The following FIG4 variants were observed in gnomAD, a reference collection of about 807,000 sequenced individuals.
The protein encoded by FIG4 is FIG4 phosphoinositide 5-phosphatase.
FIG4 carries 112 observed loss-of-function variants against 118.6 expected under a neutral mutation model. The observed-to-expected ratio is 0.94, with a 90% CI of 0.81 to 1.11. FIG4 has a LOEUF of 1.11. Among genes scored for constraint, FIG4 ranks in the 50% least tolerant of loss-of-function variants. The pLI, the probability that FIG4 is intolerant of heterozygous loss-of-function variation, is 0.00. For missense variants in FIG4, 969 were observed against 1,111.7 expected, an observed-to-expected ratio of 0.87 and a Z score of 1.83; for synonymous variants, 369 against 381.2, an observed-to-expected ratio of 0.97 and a Z score of 0.37.
At chr6:109,711,373 T>C (rs547724777) in intron 1 of FIG4, among the ~76,000 whole-genome samples, 6 of 152,298 alleles carry the variant, frequency 3.9e-5, no homozygotes, top group Admixed American at 2.0e-4. Flanking sequence ...CACTCCAGGC[T>C]GGGCGACAGA....
intron 22 of FIG4, among the ~76,000 whole-genome samples, chr6:109,822,987 A>G (rs1334048908): frequency 6.6e-6 from 1 of 151,774 alleles, no homozygotes; most frequent in Non-Finnish European, 1.5e-5. Context: ...TCTGATGACA[A>G]ATGAGTCTAC....
chr6:109,794,972 T>G (rs1216111564), intron 21 of FIG4, among the ~76,000 whole-genome samples: 1 of 152,172 alleles, frequency 6.6e-6, no homozygotes, highest in Non-Finnish European at 1.5e-5. Flanking sequence ...AGTTTTTTTC[T>G]AATTGCTGAG....
chr6:109,732,689 T>C lies in FIG4; in HGVS notation c.497+2T>C. 6.5e-7 allele frequency: 1 copy of C among 1,534,222 alleles called. No individual in the cohort carries two copies. The highest frequency in any genetic ancestry group is 9.0e-7 in the Non-Finnish European group (1 of 1,114,718). Reference sequence around the variant, plus strand: ...CCTATCTAGCAATTTTTACTTTAGGTAAGTGTGAGGTTAGTTTTGCTCCTA... The same window carrying C: ...CCTATCTAGCAATTTTTACTTTAGGCAAGTGTGAGGTTAGTTTTGCTCCTA... On this transcript the variant is annotated splice_donor_variant, in intron 5 of 22. Coordinates refer to ENST00000230124, the MANE Select transcript of FIG4 (RefSeq NM_014845.6). LOFTEE classifies it high-confidence loss of function.
At chr6:109,819,835 C>T (rs778602286) in intron 22 of FIG4, among the ~76,000 whole-genome samples, 3 of 152,148 alleles carry the variant, frequency 2.0e-5, no homozygotes, top group Non-Finnish European at 4.4e-5. Flanking sequence ...AACTTAAACT[C>T]ATTTACTCCA....
rs534743660 is a variant in FIG4, at chr6:109,788,588, C to T, written c.2097-1006C>T. On this transcript the variant is annotated intron_variant, in intron 18 of 22. Coordinates refer to ENST00000230124, the MANE Select transcript of FIG4 (RefSeq NM_014845.6). ...GTCTGCAGTGACTGTGAAAGTACCA[C>T]GAGGATTGATTTGGGGGTTACAGAT... Among the ~76,000 whole-genome samples, 5 of 152,256 alleles carry T rather than the reference C, an allele frequency of 3.3e-5. No individual in the cohort carries two copies. The South Asian group carries it at 6.2e-4, about 19-fold the overall frequency.
chr6:109,727,456 G>A lies in FIG4; in HGVS notation c.446+191G>A, dbSNP rs554969764. On this transcript the variant is annotated intron_variant, in intron 4 of 22. Transcript: ENST00000230124. ...ACAGTTTAGATATTATGAATGTTAT[G>A]TAAAAAGATCAAATGTTGGCTCAGA... is the stretch of plus-strand genomic sequence containing the variant. 8.5e-5 allele frequency among the ~76,000 whole-genome samples: 13 copies of A among 152,192 alleles called. No individual in the cohort carries two copies. The South Asian group carries it at 2.5e-3, about 29-fold the overall frequency.
At chr6:109,760,473 T>C (rs1777069689) in intron 11 of FIG4, 90 bp downstream of exon 11, 12 of 1,187,246 alleles carry the variant, frequency 1.0e-5, no homozygotes, top group Admixed American at 3.4e-5. Flanking sequence ...AAAGTAAATG[T>C]TACCCTGTTA....
intron 16 of FIG4, among the ~76,000 whole-genome samples, chr6:109,783,379 T>C (rs543924483): frequency 1.3e-5 from 2 of 152,348 alleles, no homozygotes; most frequent in East Asian, 3.9e-4. Context: ...TCCTTAAAGA[T>C]TATAGATCTC....
intron 11 of FIG4, among the ~76,000 whole-genome samples, chr6:109,761,075 T>C (rs911409246): frequency 6.6e-6 from 1 of 152,250 alleles, no homozygotes; most frequent in Non-Finnish European, 1.5e-5. Flanking sequence ...TTTTAAGATG[T>C]TACTATATCG....
At chr6:109,799,942 G>A (rs1778385296) in intron 22 of FIG4, among the ~76,000 whole-genome samples, 1 of 152,156 alleles carries the variant, frequency 6.6e-6, no homozygotes, top group East Asian at 1.9e-4. Flanking sequence ...TGGTGATCAG[G>A]GAGAAAGGGC....
Position 109,727,136 on chromosome 6 carries a change from A to C in FIG4, c.317A>C (p.Tyr106Ser). 1 of 1,611,316 alleles carries C rather than the reference A, an allele frequency of 6.2e-7. No homozygotes were observed. Among genetic ancestry groups the C allele is most frequent in the Non-Finnish European group, 8.5e-7 (1 of 1,177,480 alleles). Residue 106 changes from tyrosine to serine, a missense_variant, in exon 4 of 23, where the codon TAT becomes TCT. Tyr to Ser is a moderately radical substitution (Grantham distance 144, BLOSUM62 -2). Transcript: ENST00000230124. ...VGFVRFLEGY[Y>S]IVLITKRRKM... Reference sequence around the variant, plus strand: ...TTTGTCAGGTTCTTAGAAGGCTATTATATTGTGTTAATAACTAAAAGGAGG... The same window carrying C: ...TTTGTCAGGTTCTTAGAAGGCTATTCTATTGTGTTAATAACTAAAAGGAGG...
At chr6:109,695,677 C>T (rs1774696769) in intron 1 of FIG4, among the ~76,000 whole-genome samples, 1 of 152,110 alleles carries the variant, frequency 6.6e-6, no homozygotes, top group African/African-American at 2.4e-5. Context: ...AATTGGACCA[C>T]TGCCACCTGT....
intron 22 of FIG4, among the ~76,000 whole-genome samples, chr6:109,806,774 A>C (rs756984266): frequency 5.9e-5 from 9 of 151,930 alleles, no homozygotes; most frequent in Non-Finnish European, 1.3e-4. Flanking sequence ...TCCCTCCCCT[A>C]GTTCCCCAAC....
At chr6:109,791,308 G>C (rs939298006) in intron 19 of FIG4, 68 bp from the exon 20 acceptor site, 35 of 1,332,672 alleles carry the variant, frequency 2.6e-5, no homozygotes, top group Non-Finnish European at 3.6e-5. Flanking sequence ...CTTTGGGACA[G>C]AGTGATAGAC....
rs1319217856 is a variant in FIG4, at chr6:109,691,515, C to A, written c.66+14C>A. 1.9e-6 allele frequency: 3 copies of A among 1,563,100 alleles called. No individual in the cohort carries two copies. The highest frequency in any genetic ancestry group is 4.7e-5 in the East Asian group (2 of 42,206). On this transcript the variant is annotated intron_variant, in intron 1 of 22. Transcript: ENST00000230124. The stretch of plus-strand genomic sequence containing the variant: ...GAGACTAGAGCTGTGAGTACCCCCT[C>A]GCGGCGGGGCGCAGGCGGGAGGATG...
chr6:109,693,666 G>GA (rs1169560405), intron 1 of FIG4, among the ~76,000 whole-genome samples: 5 of 152,248 alleles, frequency 3.3e-5, no homozygotes, highest in East Asian at 3.9e-4. Flanking sequence ...GGTGCTGGGA[G>GA]AAAAAATCTG....
chr6:109,694,987 G>A (rs930394726), intron 1 of FIG4, among the ~76,000 whole-genome samples: 4 of 152,288 alleles, frequency 2.6e-5, no homozygotes, highest in Non-Finnish European at 5.9e-5. Context: ...AGTATTGGTG[G>A]TAATGTAAAT....
Position 109,795,095 on chromosome 6 carries a change from G to GTTTTTTTTTTTTTTTTTTTTTTTTT in FIG4, c.2460-1654_2460-1630dup, listed in dbSNP as rs571649446. Among the ~76,000 whole-genome samples, 12 of 57,194 alleles carry GTTTTTTTTTTTTTTTTTTTTTTTTT rather than the reference G, an allele frequency of 2.1e-4. 5 individuals are homozygous for GTTTTTTTTTTTTTTTTTTTTTTTTT. The highest frequency in any genetic ancestry group is 3.5e-4 in the Non-Finnish European group (10 of 28,706). 37.5% of individuals were successfully genotyped at this position (57,194 alleles called of 152,430 possible). On this transcript the variant is annotated intron_variant, in intron 21 of 22. Transcript: ENST00000230124. ...TCCTCAAAGCTTCATACACTTGCCA[G>GTTTTTTTTTTTTTTTTTTTTTTTTT]TTTTTTTTTTTTTTTTTTTTTTTTT...
chr6:109,753,472 C>T lies in FIG4; in HGVS notation c.1138-6778C>T, dbSNP rs1424477023. ...AACTTTAAAGTAGTTTTTTCCAATTCTGTGAAGAAAGTCATTGGTAGCTTG... is the reference window on the plus strand; with the variant it reads ...AACTTTAAAGTAGTTTTTTCCAATTTTGTGAAGAAAGTCATTGGTAGCTTG... On this transcript the variant is annotated intron_variant, in intron 10 of 22. Coordinates refer to ENST00000230124, the MANE Select transcript of FIG4 (RefSeq NM_014845.6). Among the ~76,000 whole-genome samples, 3 of 151,998 alleles carry T rather than the reference C, an allele frequency of 2.0e-5. No homozygotes were observed. The South Asian group carries it at 6.2e-4, about 32-fold the overall frequency.
Sources: gnomAD v4.1 joint callset for allele counts (sites outside exome capture counted in the v4.1 genomes callset) on GRCh38, gnomAD v4.1.1 for gene constraint, MANE v1.5 for transcripts, NCBI Gene and HGNC (gene_info 2026-07-23, HGNC 2026-07-21) for gene names.